DIP2C: variants seen among roughly 807,000 people sequenced by gnomAD.
DIP2C encodes the protein DIP2 acetate--CoA ligase C (putative).
DIP2C carries 33 observed loss-of-function variants against 192.4 expected under a neutral mutation model. The ratio of observed to expected loss-of-function variants is 0.17; its 90% CI spans 0.13 to 0.23. The LOEUF is 0.23. Ranked by LOEUF, DIP2C falls within the 10% of genes least tolerant of loss-of-function variation. The pLI, the probability that DIP2C is intolerant of heterozygous loss-of-function variation, is 1.00. For synonymous variants in DIP2C, 979 were observed against 864.1 expected, an observed-to-expected ratio of 1.13 and a Z score of -2.33; for missense variants, 1,537 against 2,110.1, an observed-to-expected ratio of 0.73 and a Z score of 5.32.
At chr10:390,718 T>TCTCGGAGG (rs1482555798) in intron 11 of DIP2C, 22 bp downstream of exon 11, 1 of 1,607,778 alleles carries the variant, frequency 6.2e-7, no homozygotes, top group Non-Finnish European at 8.5e-7. Flanking sequence ...GCATGCGAGC[T>TCTCGGAGG]CTCGGAGGCT....
At position 306,524 on chromosome 10, in the gene DIP2C, T is replaced by C. The variant is rs188608799; in HGVS notation, c.3986+3507A>G. ...GTGCCTTGGAGCTCGCAAGTGAGTG[T>C]GCCATTAAAGCAACAGGAACAGTAA... is the stretch of plus-strand genomic sequence containing the variant. On this transcript the variant is annotated intron_variant, in intron 32 of 36. Transcript: ENST00000280886. 5.9e-5 allele frequency among the ~76,000 whole-genome samples: 9 copies of C among 152,322 alleles called. 1 individual carries two copies. The highest frequency in any genetic ancestry group is 5.2e-4 in the Admixed American group (8 of 15,306).
chr10:331,321 A>T (rs770621725), intron 29 of DIP2C, among the ~76,000 whole-genome samples: 6 of 152,242 alleles, frequency 3.9e-5, no homozygotes, highest in Non-Finnish European at 8.8e-5. Context: ...CCTTAGTATG[A>T]AAAACTACTC....
Position 349,552 on chromosome 10 carries a change from A to T in DIP2C, c.2986-98T>A, listed in dbSNP as rs868831038. 55 of 1,481,448 alleles carry T rather than the reference A, an allele frequency of 3.7e-5. No homozygotes were observed. The Middle Eastern group carries it at 8.9e-4, about 24-fold the overall frequency. 91.8% of individuals were successfully genotyped at this position (1,481,448 alleles called of 1,614,324 possible). A position where few individuals can be genotyped will look rare whatever the true frequency, so the allele number is the denominator to read the frequency against. ...CATACAACTCACTGGCGCAAAGCATACATCACTGGTTTTTAGAACAAGCAC... is the reference window on the plus strand; with the variant it reads ...CATACAACTCACTGGCGCAAAGCATTCATCACTGGTTTTTAGAACAAGCAC... On this transcript the variant is annotated intron_variant, in intron 24 of 36. Transcript: ENST00000280886.
intron 1 of DIP2C, among the ~76,000 whole-genome samples, chr10:546,422 C>G (rs1297870974): frequency 6.6e-6 from 1 of 152,310 alleles, no homozygotes; most frequent in East Asian, 1.9e-4. Flanking sequence ...GAACACCTAA[C>G]GCCTCTCTGC....
chr10:567,206 T>A (rs966316799), intron 1 of DIP2C, among the ~76,000 whole-genome samples: 8 of 147,660 alleles, frequency 5.4e-5, no homozygotes, highest in African/African-American at 2.1e-4. Context: ...TTGTTTTTTT[T>A]AAGACACAAT....
At chr10:508,297 G>A (rs1026537985) in intron 1 of DIP2C, among the ~76,000 whole-genome samples, 6 of 152,160 alleles carry the variant, frequency 3.9e-5, no homozygotes, top group African/African-American at 1.2e-4. Flanking sequence ...CATCTCCGGT[G>A]CCCGTGCAGC....
chr10:586,487 C>CCTG (rs1851034792), intron 1 of DIP2C, among the ~76,000 whole-genome samples: 1 of 151,736 alleles, frequency 6.6e-6, no homozygotes, highest in East Asian at 1.9e-4. Flanking sequence ...GGCAGACCAG[C>CCTG]CCTAAGTCCC....
intron 26 of DIP2C, among the ~76,000 whole-genome samples, chr10:347,430 A>G (rs1958540560): frequency 6.7e-6 from 1 of 148,330 alleles, no homozygotes; most frequent in African/African-American, 2.5e-5. Flanking sequence ...GTTCTCCCGG[A>G]AACGTCACAC....
At chr10:537,676 G>T (rs540690909) in intron 1 of DIP2C, among the ~76,000 whole-genome samples, 4 of 152,166 alleles carry the variant, frequency 2.6e-5, no homozygotes, top group African/African-American at 9.7e-5. Context: ...AGGGATGAGG[G>T]AAGACACGAG....
rs199640660 is a variant in DIP2C at position 428,433 on chromosome 10, GC to G, written c.395-5401del. 9.3e-3 allele frequency among the ~76,000 whole-genome samples: 1,410 copies of G among 152,226 alleles called. 31 individuals are homozygous for G. Among genetic ancestry groups the G allele is most frequent in the African/African-American group, 0.032 (1,334 of 41,504 alleles). ...GATTTTCACCGGATATGAGTTGACA[GC>G]CCTTTCTTCTCCTTTTAGTACTTTA... On this transcript the variant is annotated intron_variant, in intron 4 of 36. Coordinates refer to ENST00000280886, the MANE Select transcript of DIP2C (RefSeq NM_014974.3).
chr10:495,899 T>C (rs1411795090), intron 1 of DIP2C, among the ~76,000 whole-genome samples: 1 of 150,956 alleles, frequency 6.6e-6, no homozygotes, highest in Non-Finnish European at 1.5e-5. Context: ...TCTACATTAC[T>C]TGCAATACCC....
intron 32 of DIP2C, among the ~76,000 whole-genome samples, chr10:289,423 C>T (rs569371270): frequency 5.2e-4 from 79 of 152,274 alleles, no homozygotes; most frequent in African/African-American, 1.4e-3. Flanking sequence ...TGTGTACTAC[C>T]ACATCTGGAT....
At chr10:463,716 A>G (rs1363486399) in intron 3 of DIP2C, among the ~76,000 whole-genome samples, 1 of 152,230 alleles carries the variant, frequency 6.6e-6, no homozygotes, top group Non-Finnish European at 1.5e-5. Flanking sequence ...ACAAAGCTGG[A>G]GGCATCACAC....
intron 32 of DIP2C, among the ~76,000 whole-genome samples, chr10:298,338 G>A (rs1294038511): frequency 6.6e-6 from 1 of 152,164 alleles, no homozygotes; most frequent in African/African-American, 2.4e-5. Flanking sequence ...AGGCATTTTG[G>A]AAAAGGGCTT....
intron 1 of DIP2C, among the ~76,000 whole-genome samples, chr10:499,268 G>A (rs769272115): frequency 5.9e-5 from 9 of 152,184 alleles, no homozygotes; most frequent in African/African-American, 7.2e-5. Context: ...CGTTGGCAGC[G>A]CAGCCCTGAC....
At chr10:374,333 T>C (rs554249276) in intron 17 of DIP2C, among the ~76,000 whole-genome samples, 1 of 152,214 alleles carries the variant, frequency 6.6e-6, no homozygotes, top group African/African-American at 2.4e-5. Context: ...TAACATACTT[T>C]GCATTCCCAC....
rs201758917 is a variant in DIP2C at position 342,164 on chromosome 10, T to TC, written c.3454-836_3454-835insG. Among the ~76,000 whole-genome samples, 289 of 144,092 alleles carry TC rather than the reference T, an allele frequency of 2.0e-3. 2 individuals are homozygous for TC. Among genetic ancestry groups the TC allele is most frequent in the Middle Eastern group, 0.018 (5 of 280 alleles). 94.5% of individuals were successfully genotyped at this position (144,092 alleles called of 152,430 possible). ...GTTCTCGTGTAACCCACTCTCTCTC[T>TC]TTTTTTTTTTTTGAGATGGAGTCTT... On this transcript the variant is annotated intron_variant, in intron 28 of 36. Coordinates refer to ENST00000280886, the MANE Select transcript of DIP2C (RefSeq NM_014974.3).
chr10:672,744 G>A (rs1419900132), intron 1 of DIP2C, among the ~76,000 whole-genome samples: 2 of 152,144 alleles, frequency 1.3e-5, no homozygotes, highest in Non-Finnish European at 2.9e-5. Context: ...TTCTTTTCCA[G>A]AAACCACACA....
Position 440,952 on chromosome 10 carries a change from C to G in DIP2C, c.313G>C (p.Glu105Gln), listed in dbSNP as rs2133268467. The G allele has an allele frequency of 1.9e-6, 3 of 1,613,872 alleles. No homozygotes were observed. The highest frequency in any genetic ancestry group is 2.5e-6 in the Non-Finnish European group (3 of 1,180,038). Residue 105 changes from glutamate to glutamine, a missense_variant, in exon 4 of 37, where the codon GAG (glutamate) becomes CAG (glutamine). By Grantham distance (29) the Glu-to-Gln change is conservative. Coordinates refer to ENST00000280886, the MANE Select transcript of DIP2C (RefSeq NM_014974.3). ...GGCATAGGCACTGCCATCTTCCGCT[C>G]TTTGTGTTTGGCCAGAGCCGCCTGG... The part of the protein sequence containing the change: ...AVQAALAKHK[E>Q]RKMAVPMPSK...
Sources: gnomAD v4.1 joint callset for allele counts (sites outside exome capture counted in the v4.1 genomes callset) on GRCh38, gnomAD v4.1.1 for gene constraint, MANE v1.5 for transcripts, NCBI Gene and HGNC (gene_info 2026-07-23, HGNC 2026-07-21) for gene names.